Variants in PIP4K2B observed in about 807,000 individuals in gnomAD.
PIP4K2B encodes phosphatidylinositol-5-phosphate 4-kinase type 2 beta.
In PIP4K2B, 3 loss-of-function variants were observed where a neutral mutation model predicts 42.0. That is an observed-to-expected ratio of 0.07 (90% CI 0.03 to 0.18). The LOEUF is 0.18. PIP4K2B is among the 10% of genes least tolerant of loss of function. The pLI is 1.00. For synonymous variants in PIP4K2B, 204 were observed against 210.1 expected, an observed-to-expected ratio of 0.97 and a Z score of 0.25; for missense variants, 332 against 562.3, an observed-to-expected ratio of 0.59 and a Z score of 4.14.
At chr17:38,794,507 AAAG>A (rs1363450433) in intron 1 of PIP4K2B, among the ~76,000 whole-genome samples, 41 of 150,280 alleles carry the variant, frequency 2.7e-4, no homozygotes, top group Admixed American at 2.0e-4. Flanking sequence ...AAAAAAAAAA[AAAG>A]AAGAAGAAGA....
chr17:38,791,047 G>A (rs530385390), intron 1 of PIP4K2B, among the ~76,000 whole-genome samples: 1 of 152,124 alleles, frequency 6.6e-6, no homozygotes, highest in South Asian at 2.1e-4. Flanking sequence ...AAAGAAACAG[G>A]AGGCTTATAA....
chr17:38,797,869 C>T (rs990362963), intron 1 of PIP4K2B, among the ~76,000 whole-genome samples: 10 of 152,116 alleles, frequency 6.6e-5, no homozygotes, highest in East Asian at 1.9e-4. Context: ...ATTGTTGGCC[C>T]GAAGCAGCTC....
chr17:38,779,262 G>T, intron 5 of PIP4K2B, 121 bp downstream of exon 5: 1 of 973,182 alleles, frequency 1.0e-6, no homozygotes, highest in Non-Finnish European at 1.6e-6. Flanking sequence ...CCACTCCAGA[G>T]TTCCCTGTCC....
At chr17:38,786,268 T>C (rs2143433616) in intron 2 of PIP4K2B, among the ~76,000 whole-genome samples, 1 of 152,318 alleles carries the variant, frequency 6.6e-6, no homozygotes, top group South Asian at 2.1e-4. Context: ...GTGCCAGGTG[T>C]GGCGGCCGCT....
chr17:38,792,936 T>TC (rs1468792894), intron 1 of PIP4K2B: 1 of 152,332 alleles, frequency 6.6e-6, no homozygotes, highest in East Asian at 1.9e-4. Flanking sequence ...TCTAAAGATT[T>TC]TTTTTTTTTT....
chr17:38,796,854 T>C (rs1316710685), intron 1 of PIP4K2B, among the ~76,000 whole-genome samples: 2 of 152,084 alleles, frequency 1.3e-5, no homozygotes, highest in African/African-American at 2.4e-5. Flanking sequence ...TGTTACAAAG[T>C]AGGCTTTTTT....
At chr17:38,777,987 A>G (rs1014167461) in intron 6 of PIP4K2B, among the ~76,000 whole-genome samples, 187 bp from the exon 7 acceptor site, 1 of 152,232 alleles carries the variant, frequency 6.6e-6, no homozygotes, top group African/African-American at 2.4e-5. Flanking sequence ...GGGAGGGCAA[A>G]CACATGAAAG....
chr17:38,778,963 G>A (rs1289635304), intron 5 of PIP4K2B, among the ~76,000 whole-genome samples: 1 of 152,192 alleles, frequency 6.6e-6, no homozygotes, highest in Non-Finnish European at 1.5e-5. Flanking sequence ...GGAAGGGATG[G>A]CGGCATAAGG....
At chr17:38,789,456 A>G (rs1910225536) in intron 1 of PIP4K2B, among the ~76,000 whole-genome samples, 1 of 152,168 alleles carries the variant, frequency 6.6e-6, no homozygotes, top group South Asian at 2.1e-4. Flanking sequence ...GTCCTGACTT[A>G]ATGGACTGGG....
At chr17:38,797,778 A>T (rs955690738) in intron 1 of PIP4K2B, among the ~76,000 whole-genome samples, 2 of 152,200 alleles carry the variant, frequency 1.3e-5, no homozygotes, top group African/African-American at 4.8e-5. Context: ...TGGGGTTCAT[A>T]TTCTGATCAC....
rs1196504274 is a variant in PIP4K2B, at chr17:38,766,992, G to C, written c.*2699C>G. 6.6e-6 allele frequency: 1 copy of C among 152,268 alleles called. No homozygotes were observed. The highest frequency in any genetic ancestry group is 1.5e-5 in the Non-Finnish European group (1 of 68,086). 9.4% of individuals were successfully genotyped at this position (152,268 alleles called of 1,614,324 possible). On this transcript the variant is annotated 3_prime_UTR_variant, in exon 10 of 10. Coordinates refer to ENST00000619039, the MANE Select transcript of PIP4K2B (RefSeq NM_003559.5). ...GACTGGATGCCAGCCAGGAATCCTG[G>C]CCTTAGCCCTATCCTGGCCTCGCCT...
At chr17:38,779,193 TCTC>T (rs1909540655) in intron 5 of PIP4K2B, among the ~76,000 whole-genome samples, 187 bp downstream of exon 5, 2 of 152,142 alleles carry the variant, frequency 1.3e-5, no homozygotes, top group South Asian at 2.1e-4. Flanking sequence ...GCTTAAATAA[TCTC>T]CTGTTACTGT....
At chr17:38,790,096 A>G (rs1567661758) in intron 1 of PIP4K2B, among the ~76,000 whole-genome samples, 1 of 152,160 alleles carries the variant, frequency 6.6e-6, no homozygotes, top group Non-Finnish European at 1.5e-5. Context: ...CACACTTAAT[A>G]TACATAAATT....
intron 5 of PIP4K2B, among the ~76,000 whole-genome samples, chr17:38,778,969 T>A (rs1272514760): frequency 6.6e-6 from 1 of 152,066 alleles, no homozygotes; most frequent in Non-Finnish European, 1.5e-5. Flanking sequence ...GATGGCGGCA[T>A]AAGGTGACAG....
chr17:38,783,773 TA>T (rs1292010909), intron 3 of PIP4K2B, among the ~76,000 whole-genome samples: 3 of 152,136 alleles, frequency 2.0e-5, no homozygotes, highest in African/African-American at 7.2e-5. Context: ...TCTAATTTTG[TA>T]TTTTTTAGTA....
intron 1 of PIP4K2B, among the ~76,000 whole-genome samples, chr17:38,795,099 CAAAAAAAAAAA>C (rs61707682): frequency 4.8e-5 from 2 of 41,496 alleles, no homozygotes; most frequent in African/African-American, 1.7e-4. Context: ...AACTCCATCT[CAAAAAAAAAAA>C]AAAAAAAAAA....
intron 5 of PIP4K2B, among the ~76,000 whole-genome samples, chr17:38,778,705 G>GA (rs58476110): frequency 0.62 from 93,936 of 151,924 alleles, 31,321 homozygotes; most frequent in Admixed American, 0.78. Flanking sequence ...ACAGGGAGGA[G>GA]CAGGACACTC....
intron 7 of PIP4K2B, among the ~76,000 whole-genome samples, chr17:38,774,833 C>A (rs997778122): frequency 6.6e-6 from 1 of 151,960 alleles, no homozygotes; most frequent in Non-Finnish European, 1.5e-5. Context: ...ACAAAACATC[C>A]TATAGGTTTT....
intron 3 of PIP4K2B, 128 bp from the exon 4 acceptor site, chr17:38,780,732 G>A: frequency 1.2e-6 from 1 of 802,120 alleles, no homozygotes; most frequent in South Asian, 1.8e-5. Flanking sequence ...TCCCAGATGG[G>A]AGTTTACCCT....
Sources: allele counts gnomAD v4.1 joint callset (sites outside exome capture counted in the v4.1 genomes callset), GRCh38; gene constraint gnomAD v4.1.1; transcripts MANE v1.5; gene names NCBI Gene and HGNC (gene_info 2026-07-23, HGNC 2026-07-21).